ATP1A2: variants seen among roughly 807,000 people sequenced by gnomAD.
The protein encoded by ATP1A2 is sodium/potassium-transporting ATPase subunit alpha-2.
Under a neutral mutation model 113.1 loss-of-function variants are expected in ATP1A2, and 56 were observed. The observed-to-expected ratio is 0.49, with a 90% CI of 0.40 to 0.62. ATP1A2 has a LOEUF of 0.62. Ranked by LOEUF, ATP1A2 falls within the 20% of genes least tolerant of loss-of-function variation. The pLI, the probability that ATP1A2 is intolerant of heterozygous loss-of-function variation, is 0.00. For synonymous variants in ATP1A2, 490 were observed against 526.8 expected (o/e 0.93, Z 0.96); for missense variants, 712 against 1,357.8 (o/e 0.52, Z 7.47).
In ATP1A2 at chr1:160,123,435, C is replaced by A. The variant is rs764424227; in HGVS notation, c.381+19C>A. On this transcript the variant is annotated intron_variant, in intron 4 of 22. Transcript: ENST00000361216. ...CGACAATGTGAGCCCACACGCCCGACCCGGGAACAGCCCGTGACTGTCCTC... is the reference window on the plus strand; with the variant it reads ...CGACAATGTGAGCCCACACGCCCGAACCGGGAACAGCCCGTGACTGTCCTC... The A allele has an allele frequency of 6.2e-7, 1 of 1,614,028 alleles. No individual in the cohort carries two copies. The highest frequency in any genetic ancestry group is 8.5e-7 in the Non-Finnish European group (1 of 1,179,964).
rs112709297 is a variant in ATP1A2, at chr1:160,122,420, G to GAAA, written c.178-780_178-778dup. Among the ~76,000 whole-genome samples the GAAA allele has an allele frequency of 4.6e-4, 63 of 137,138 alleles. No individual in the cohort carries two copies. In the South Asian group the frequency reaches 4.8e-3, roughly 10 times the overall value. 90.0% of individuals were successfully genotyped at this position (137,138 alleles called of 152,430 possible). ...ACATTTATTAAATGAATGAATGAATGAAAAAAAAAAAAAAAGAAACGGTCC... is the reference window on the plus strand; with the variant it reads ...ACATTTATTAAATGAATGAATGAATGAAAAAAAAAAAAAAAAAAGAAACGGTCC... On this transcript the variant is annotated intron_variant, in intron 3 of 22. Coordinates refer to ENST00000361216, the MANE Select transcript of ATP1A2 (RefSeq NM_000702.4).
At chr1:160,134,439 A>G (rs540640378) in intron 13 of ATP1A2, 45 bp from the exon 14 acceptor site, 35 of 1,613,824 alleles carry the variant, frequency 2.2e-5, no homozygotes, top group Non-Finnish European at 2.9e-5. Context: ...GAGGGGGATA[A>G]ACCCTTAATA....
At chr1:160,122,887 A>G (rs1381162652) in intron 3 of ATP1A2, among the ~76,000 whole-genome samples, 1 of 152,142 alleles carries the variant, frequency 6.6e-6, no homozygotes, top group Non-Finnish European at 1.5e-5. Context: ...AGAGATGGGG[A>G]AAAAACAGTT....
chr1:160,139,189 A>G (rs1157114289), intron 20 of ATP1A2, among the ~76,000 whole-genome samples: 2 of 152,222 alleles, frequency 1.3e-5, no homozygotes, highest in Non-Finnish European at 2.9e-5. Flanking sequence ...TGAATTAAAT[A>G]TCTATAATGA....
intron 22 of ATP1A2, 83 bp from the exon 23 acceptor site, chr1:160,141,211 C>CA (rs1264909612): frequency 2.6e-6 from 4 of 1,566,456 alleles, no homozygotes; most frequent in Non-Finnish European, 3.5e-6. Flanking sequence ...CACCTGGCTT[C>CA]AGCGACCCAA....
intron 8 of ATP1A2, chr1:160,128,380 T>C (rs1651652095): frequency 4.6e-6 from 4 of 865,782 alleles, no homozygotes; most frequent in Non-Finnish European, 7.2e-6. Flanking sequence ...TCTGTGTTGA[T>C]GACTCAGACA....
At chr1:160,131,399 A>T (rs1419025974) in intron 13 of ATP1A2, among the ~76,000 whole-genome samples, 1 of 152,248 alleles carries the variant, frequency 6.6e-6, no homozygotes, top group East Asian at 1.9e-4. Flanking sequence ...TAAGTCATAG[A>T]GCAGGTACTT....
intron 13 of ATP1A2, among the ~76,000 whole-genome samples, chr1:160,133,119 A>T (rs950526118): frequency 6.6e-6 from 1 of 152,114 alleles, no homozygotes; most frequent in African/African-American, 2.4e-5. Context: ...CCATCCTACT[A>T]GGCTGCCACC....
In ATP1A2 at chr1:160,123,163, G is replaced by A. The variant is rs780963435; in HGVS notation, c.178-50G>A. On this transcript the variant is annotated intron_variant, in intron 3 of 22. Transcript: ENST00000361216. The stretch of plus-strand genomic sequence containing the variant: ...GCTGAAGGGATGGGCATGGTGACTG[G>A]CTGGGTTGGCTCCGGATGCGTGCCC... The A allele has an allele frequency of 2.5e-6, 4 of 1,602,318 alleles. No individual in the cohort carries two copies. In the African/African-American group the frequency reaches 4.0e-5, roughly 16 times the overall value.
chr1:160,125,963 G>A (rs1292729941), intron 7 of ATP1A2, among the ~76,000 whole-genome samples: 3 of 152,216 alleles, frequency 2.0e-5, no homozygotes, highest in East Asian at 1.9e-4. Context: ...AGGAGTAGGA[G>A]GGAAGAGACA....
In ATP1A2 at chr1:160,124,307, G is replaced by A. The variant is rs1375300504; in HGVS notation, c.507G>A (p.Val169=). ...GTGGCTCCCCACAGCAAGCCCTTGT[G>A]ATCCGGGAGGGAGAGAAGATGCAGA... ...FKNMVPQQAL[V]IREGEKMQIN... is the part of the protein sequence containing the mutation. The change falls in exon 6 of 23, where the codon GTG becomes GTA. Residue 169 remains valine, a synonymous_variant. Transcript: ENST00000361216. 1 of 1,604,724 alleles carries A rather than the reference G, an allele frequency of 6.2e-7. No individual in the cohort carries two copies. Among genetic ancestry groups the A allele is most frequent in the Admixed American group, 1.7e-5 (1 of 58,788 alleles).
At chr1:160,131,062 C>T (rs1037263910) in intron 13 of ATP1A2, among the ~76,000 whole-genome samples, 1 of 152,148 alleles carries the variant, frequency 6.6e-6, no homozygotes, top group East Asian at 1.9e-4. Context: ...TTCTCACTGA[C>T]CACTCCCTCC....
At position 160,141,008 on chromosome 1, in the gene ATP1A2, G is replaced by A. The variant is rs148661763; in HGVS notation, c.3035-286G>A. 0.011 allele frequency among the ~76,000 whole-genome samples: 1,678 copies of A among 151,930 alleles called. 9 individuals are homozygous for A. The highest frequency in any genetic ancestry group is 0.019 in the East Asian group (96 of 5,166). Reference sequence around the variant, plus strand: ...CTCCAGAGTAGCTGGGATTGCAGGCGCATGCCACTATGCCCGACTAATTTT... The same window carrying A: ...CTCCAGAGTAGCTGGGATTGCAGGCACATGCCACTATGCCCGACTAATTTT... On this transcript the variant is annotated intron_variant, in intron 22 of 22. Coordinates refer to ENST00000361216, the MANE Select transcript of ATP1A2 (RefSeq NM_000702.4).
chr1:160,119,711 A>G (rs558700241), intron 1 of ATP1A2, among the ~76,000 whole-genome samples: 2 of 152,062 alleles, frequency 1.3e-5, no homozygotes, highest in East Asian at 1.9e-4. Flanking sequence ...TCATAAGACT[A>G]CAATTAAAAT....
chr1:160,134,054 TAGAC>T (rs1238754357), intron 13 of ATP1A2, among the ~76,000 whole-genome samples: 3 of 131,416 alleles, frequency 2.3e-5, no homozygotes, highest in Admixed American at 2.2e-4. Flanking sequence ...CACACACACA[TAGAC>T]ACACACAATC....
At chr1:160,139,528 G>A (rs190028652) in intron 20 of ATP1A2, 112 bp from the exon 21 acceptor site, 19 of 903,678 alleles carry the variant, frequency 2.1e-5, no homozygotes, top group African/African-American at 1.3e-4. Context: ...GAAGACATGC[G>A]ACTATGTCGT....
intron 3 of ATP1A2, among the ~76,000 whole-genome samples, chr1:160,122,832 AT>A (rs1651458452): frequency 6.6e-6 from 1 of 152,162 alleles, no homozygotes; most frequent in Admixed American, 6.5e-5. Context: ...TTAAAAAAAA[AT>A]CTAGGACTCT....
intron 22 of ATP1A2, 31 bp downstream of exon 22, chr1:160,140,015 T>C: frequency 1.2e-6 from 2 of 1,604,378 alleles, no homozygotes; most frequent in Non-Finnish European, 1.7e-6. Context: ...CCCAGCAAAG[T>C]GCAAGCCCCA....
At chr1:160,128,512 A>G (rs777160772) in intron 8 of ATP1A2, 140 bp from the exon 9 acceptor site, 2 of 1,545,330 alleles carry the variant, frequency 1.3e-6, no homozygotes, top group South Asian at 2.4e-5. Flanking sequence ...TTGAACATTC[A>G]TTATTTACAG....
Sources: allele counts gnomAD v4.1 joint callset (sites outside exome capture counted in the v4.1 genomes callset), GRCh38; gene constraint gnomAD v4.1.1; transcripts MANE v1.5; gene names NCBI Gene and HGNC (gene_info 2026-07-23, HGNC 2026-07-21).